The following FLOT2 variants were observed in gnomAD, a reference collection of about 807,000 sequenced individuals.
The protein encoded by FLOT2 is flotillin 2.
FLOT2 carries 35 observed loss-of-function variants against 54.9 expected under a neutral mutation model. The ratio of observed to expected loss-of-function variants is 0.64; its 90% CI spans 0.49 to 0.84. The LOEUF (loss-of-function observed/expected upper bound fraction) is 0.84, where lower values mean the gene tolerates loss of function less well. FLOT2 is among the 40% of genes least tolerant of loss of function. The probability of loss-of-function intolerance (pLI) is 0.00; values close to 1 mark genes in which losing one functional copy is unlikely to be tolerated. For missense variants in FLOT2, 464 were observed against 572.1 expected (o/e 0.81, Z 1.93); for synonymous variants, 207 against 228.9 (o/e 0.90, Z 0.86).
At chr17:28,888,152 G>A (rs2039580120) in intron 2 of FLOT2, among the ~76,000 whole-genome samples, 1 of 152,208 alleles carries the variant, frequency 6.6e-6, no homozygotes, top group South Asian at 2.1e-4. Context: ...GGAAGGATCT[G>A]CTCCTCCCCT....
intron 1 of FLOT2, among the ~76,000 whole-genome samples, chr17:28,891,565 T>C (rs914551538): frequency 2.3e-4 from 35 of 152,166 alleles, no homozygotes; most frequent in African/African-American, 8.0e-4. Context: ...TCTGTGAGGG[T>C]AGGAATGTTC....
rs188812089 is a variant in FLOT2, at chr17:28,882,492, A to C, written c.466-42T>G. The C allele has an allele frequency of 6.6e-4, 1,055 of 1,599,756 alleles. 5 individuals carry two copies. In the African/African-American group the frequency reaches 0.013, roughly 19 times the overall value. On this transcript the variant is annotated intron_variant, in intron 5 of 10. Transcript: ENST00000394908. This position sits in a 1 kb window ranked among gnomAD's most constrained non-coding sequence, Gnocchi z 5.6. ...GTATCAGAGGCTCAAAGGAGCAGCCAGAGGCACAAAGGTGCCCCTCTAACA... is the reference window on the plus strand; with the variant it reads ...GTATCAGAGGCTCAAAGGAGCAGCCCGAGGCACAAAGGTGCCCCTCTAACA...
In FLOT2 at chr17:28,882,576, G is replaced by A; in HGVS notation, c.462C>T (p.Ile154=). 1 of 1,607,588 alleles carries A rather than the reference G, an allele frequency of 6.2e-7. No individual in the cohort carries two copies. The highest frequency in any genetic ancestry group is 8.5e-7 in the Non-Finnish European group (1 of 1,174,144). Residue 154 remains isoleucine (I), a synonymous_variant, in exon 5 of 11, where the codon ATC becomes ATT. Coordinates refer to ENST00000394908, the MANE Select transcript of FLOT2 (RefSeq NM_004475.3). This position sits in a 1 kb window ranked among gnomAD's most constrained non-coding sequence, Gnocchi z 5.6. The part of the protein sequence containing the change: ...RMGIEILSFT[I]KDVYDKVDYL... ...ACAGCTTCCCATCACGTCGTACCTT[G>A]ATGGTGAAGCTGAGGATCTCAATGC...
intron 2 of FLOT2, among the ~76,000 whole-genome samples, chr17:28,886,628 G>A (rs1204334216): frequency 6.6e-6 from 1 of 152,194 alleles, no homozygotes; most frequent in Non-Finnish European, 1.5e-5. Context: ...AAAACAAGGT[G>A]CCTCGAAGCT....
At chr17:28,894,793 T>A (rs553034361) in intron 1 of FLOT2, among the ~76,000 whole-genome samples, 1 of 148,712 alleles carries the variant, frequency 6.7e-6, no homozygotes, top group Non-Finnish European at 1.5e-5. Flanking sequence ...CAAGACTGTA[T>A]TTAAAAAAAA....
intron 1 of FLOT2, among the ~76,000 whole-genome samples, chr17:28,896,370 TG>T (rs1338936710): frequency 2.0e-5 from 3 of 152,088 alleles, no homozygotes; most frequent in African/African-American, 7.2e-5. Context: ...TCTCTAAGGG[TG>T]GGGACTGGGA....
At chr17:28,885,829 A>G (rs1314944675) in intron 2 of FLOT2, 1 of 1,434,912 alleles carries the variant, frequency 7.0e-7, no homozygotes, top group South Asian at 1.2e-5. Flanking sequence ...AAGGTTAGAC[A>G]CGGAGGAGGA....
rs908025104 is a variant in FLOT2, at chr17:28,881,755, T to C, written c.914+59A>G. 4 of 1,455,372 alleles carry C rather than the reference T, an allele frequency of 2.7e-6. No individual in the cohort carries two copies. The African/African-American group carries it at 4.2e-5, about 15-fold the overall frequency. 90.2% of individuals were successfully genotyped at this position (1,455,372 alleles called of 1,614,324 possible). ...GCTGTGGTCAGGAGAGTAGAGGGAG[T>C]GCACTGAAGGCAGAGGAGCCTGACT... On this transcript the variant is annotated intron_variant, in intron 8 of 10. Transcript: ENST00000394908.
rs1060244 is a variant in FLOT2 at position 28,880,553 on chromosome 17, C to G, written c.*8G>C. 6.2e-7 allele frequency: 1 copy of G among 1,612,934 alleles called. No individual in the cohort carries two copies. The highest frequency in any genetic ancestry group is 8.5e-7 in the Non-Finnish European group (1 of 1,179,470). On this transcript the variant is annotated 3_prime_UTR_variant, in exon 11 of 11. Transcript: ENST00000394908. Reference sequence around the variant, plus strand: ...GTGGCTGCTGAAGAGAGTGGGCCTGCAGGAGCCTCACACCTGCACACCAGT... The same window carrying G: ...GTGGCTGCTGAAGAGAGTGGGCCTGGAGGAGCCTCACACCTGCACACCAGT...
At chr17:28,893,505 G>A (rs773981054) in intron 1 of FLOT2, among the ~76,000 whole-genome samples, 5 of 150,856 alleles carry the variant, frequency 3.3e-5, no homozygotes, top group Admixed American at 6.6e-5. Flanking sequence ...TTGAACTCAC[G>A]GGCTCAAGCG....
chr17:28,881,493 T>C (rs1470417147), intron 8 of FLOT2, 118 bp from the exon 9 acceptor site: 3 of 1,105,084 alleles, frequency 2.7e-6, no homozygotes, highest in Non-Finnish European at 3.9e-6. Context: ...GTGGGAGACA[T>C]TGGAACGGAG....
At chr17:28,887,736 G>A (rs544084150) in intron 2 of FLOT2, among the ~76,000 whole-genome samples, 15 of 152,228 alleles carry the variant, frequency 9.9e-5, no homozygotes, top group African/African-American at 3.4e-4. Context: ...CACGGCTTCT[G>A]ACAGGCCACT....
chr17:28,882,367 C>T lies in FLOT2; in HGVS notation c.549G>A (p.Val183=). The change falls in exon 6 of 11, where the codon GTG becomes GTA. Residue 183 remains valine (V), a synonymous_variant. Coordinates refer to ENST00000394908, the MANE Select transcript of FLOT2 (RefSeq NM_004475.3). This position sits in a 1 kb window ranked among gnomAD's most constrained non-coding sequence, Gnocchi z 5.6. The part of the protein sequence containing the change: ...AVVQRDADIG[V]AEAERDAGIR... ...TGCCTGCGTCCCGTTCAGCCTCGGCCACGCCAATGTCAGCATCTCTCTGCA... is the reference window on the plus strand; with the variant it reads ...TGCCTGCGTCCCGTTCAGCCTCGGCTACGCCAATGTCAGCATCTCTCTGCA... 6.2e-7 allele frequency: 1 copy of T among 1,614,090 alleles called. No homozygotes were observed. Among genetic ancestry groups the T allele is most frequent in the Non-Finnish European group, 8.5e-7 (1 of 1,180,040 alleles).
chr17:28,883,329 T>C lies in FLOT2; in HGVS notation c.223-98A>G, dbSNP rs1052276001. 1 of 1,481,422 alleles carries C rather than the reference T, an allele frequency of 6.8e-7. No individual in the cohort carries two copies. Among genetic ancestry groups the C allele is most frequent in the Non-Finnish European group, 9.2e-7 (1 of 1,081,738 alleles). The allele number at this position is 1,481,422 out of a possible 1,614,324, so 91.8% of individuals were successfully genotyped here. A position where few individuals can be genotyped will look rare whatever the true frequency, so the allele number is the denominator to read the frequency against. On this transcript the variant is annotated intron_variant, in intron 3 of 10. Coordinates refer to ENST00000394908, the MANE Select transcript of FLOT2 (RefSeq NM_004475.3). This position sits in a 1 kb window ranked among gnomAD's most constrained non-coding sequence, Gnocchi z 5.0. ...CAGGATGGTGGCTGTGCCTCCTCCC[T>C]TCCTTTTTTCAGACCTGGAGGCCCT...
At chr17:28,888,683 C>A (rs937368078) in intron 2 of FLOT2, among the ~76,000 whole-genome samples, 2 of 152,120 alleles carry the variant, frequency 1.3e-5, no homozygotes, top group Non-Finnish European at 2.9e-5. Flanking sequence ...AGAAGTAATG[C>A]CACCTCCAGT....
intron 2 of FLOT2, chr17:28,885,800 C>A (rs549123055): frequency 1.6e-6 from 2 of 1,223,006 alleles, no homozygotes; most frequent in African/African-American, 3.0e-5. Context: ...CTGCCAGGCC[C>A]CGCAGGGCAG....
chr17:28,881,864 C>A lies in FLOT2; in HGVS notation c.864G>T (p.Arg288=), dbSNP rs369126523. 1.3e-4 allele frequency: 212 copies of A among 1,613,578 alleles called. No individual in the cohort carries two copies. The highest frequency in any genetic ancestry group is 3.2e-4 in the Admixed American group (19 of 60,030). The change falls in exon 8 of 11, where the codon CGG becomes CGT. Residue 288 remains arginine (R), a synonymous_variant. Transcript: ENST00000394908. ...TDKELIATVR[R]PAEAEAHRIQ... ...TGCGGTGGGCCTCGGCCTCGGCAGG[C>A]CGGCGCACTGTAGCGATGAGCTCCT... is the stretch of plus-strand genomic sequence containing the variant.
Position 28,897,362 on chromosome 17 carries a change from C to T in FLOT2, c.49+164G>A, listed in dbSNP as rs2039759871. 11 of 604,632 alleles carry T rather than the reference C, an allele frequency of 1.8e-5. No homozygotes were observed. The East Asian group carries it at 3.1e-4, about 17-fold the overall frequency. The allele number at this position is 604,632 out of a possible 1,614,324, so 37.5% of individuals were successfully genotyped here. A position where few individuals can be genotyped will look rare whatever the true frequency, so the allele number is the denominator to read the frequency against. ...GCCCGAGGGTGCGCAGCAAGGAAAG[C>T]GTGAGCACGAGATCTCTCTTGGAAG... On this transcript the variant is annotated intron_variant, in intron 1 of 10. Transcript: ENST00000394908. This position sits in a 1 kb window ranked among gnomAD's most constrained non-coding sequence, Gnocchi z 4.4.
chr17:28,881,411 G>T (rs376092387), intron 8 of FLOT2, 36 bp from the exon 9 acceptor site: 1 of 1,594,072 alleles, frequency 6.3e-7, no homozygotes, highest in East Asian at 2.2e-5. Context: ...TCAGTGGGAC[G>T]TACCAGGGTC....
Sources: gnomAD v4.1 joint callset for allele counts (sites outside exome capture counted in the v4.1 genomes callset) on GRCh38, gnomAD v4.1.1 for gene constraint, Gnocchi (gnomAD v3.1) non-coding constraint, MANE v1.5 for transcripts, NCBI Gene and HGNC (gene_info 2026-07-23, HGNC 2026-07-21) for gene names.